The following MAGOHB variants were observed in gnomAD, a reference collection of about 807,000 sequenced individuals.
MAGOHB encodes mago homolog B, exon junction complex subunit, also known as protein mago nashi homolog 2.
A neutral mutation model predicts 20.9 loss-of-function variants in MAGOHB; 15 were observed. The observed-to-expected ratio is 0.72, with a 90% CI of 0.48 to 1.11. The LOEUF (loss-of-function observed/expected upper bound fraction) is 1.11, where lower values mean the gene tolerates loss of function less well. MAGOHB is among the 50% of genes least tolerant of loss of function. The probability of loss-of-function intolerance (pLI) is 0.00; values close to 1 mark genes in which losing one functional copy is unlikely to be tolerated. For synonymous variants in MAGOHB, 50 were observed against 57.9 expected (o/e 0.86, Z 0.62); for missense variants, 162 against 177.6 (o/e 0.91, Z 0.50).
At chr12:10,612,603 T>C in intron 1 of MAGOHB, 3 of 1,017,962 alleles carry the variant, frequency 2.9e-6, no homozygotes, top group Non-Finnish European at 3.6e-6. Context: ...CCAAGACAAA[T>C]CTGCTTTAGT....
intron 1 of MAGOHB, among the ~76,000 whole-genome samples, chr12:10,612,132 T>G (rs1865754450): frequency 6.6e-6 from 1 of 152,008 alleles, no homozygotes. Flanking sequence ...GGTGGATCCC[T>G]TGACCTCAGG....
chr12:10,600,381 A>G (rs1865542919), downstream of MAGOHB, among the ~76,000 whole-genome samples: 1 of 151,922 alleles, frequency 6.6e-6, no homozygotes, highest in African/African-American at 2.4e-5. Flanking sequence ...CTATTGTAAA[A>G]TATATTTGGT....
downstream of MAGOHB, among the ~76,000 whole-genome samples, chr12:10,601,091 G>A (rs1865549775): frequency 1.3e-5 from 2 of 152,086 alleles, no homozygotes; most frequent in African/African-American, 2.4e-5. Flanking sequence ...GAGTAAAGAC[G>A]GTCCATATCC....
At chr12:10,606,509 C>T in intron 4 of MAGOHB, 135 bp from the exon 5 acceptor site, 1 of 603,856 alleles carries the variant, frequency 1.7e-6, no homozygotes, top group East Asian at 3.1e-5. Flanking sequence ...ATTTTGCTGA[C>T]AACTAAAATG....
chr12:10,612,663 T>A (rs1865768935), intron 1 of MAGOHB: 1 of 1,141,102 alleles, frequency 8.8e-7, no homozygotes, highest in African/African-American at 1.6e-5. Flanking sequence ...ATTTGCTTGT[T>A]GTCCAGCACA....
At chr12:10,612,639 C>T in intron 1 of MAGOHB, 1 of 1,128,730 alleles carries the variant, frequency 8.9e-7, no homozygotes, top group Non-Finnish European at 1.1e-6. Context: ...CATTACTGTA[C>T]CTTAAAATTT....
chr12:10,611,949 C>T (rs970334415), intron 1 of MAGOHB, among the ~76,000 whole-genome samples: 3 of 151,656 alleles, frequency 2.0e-5, no homozygotes, highest in Non-Finnish European at 4.4e-5. Flanking sequence ...TGATGGTGTT[C>T]GCAGGCAGAG....
In MAGOHB at chr12:10,605,260, A is replaced by C. The variant is rs1024742802; in HGVS notation, c.*1015T>G. The C allele has an allele frequency of 1.3e-5, 2 of 152,216 alleles. No homozygotes were observed. The highest frequency in any genetic ancestry group is 2.9e-5 in the Non-Finnish European group (2 of 68,036). 9.4% of individuals were successfully genotyped at this position (152,216 alleles called of 1,614,324 possible). A position where few individuals can be genotyped will look rare whatever the true frequency, so the allele number is the denominator to read the frequency against. The stretch of plus-strand genomic sequence containing the variant: ...TAGAACGTTTCCATTATTGCAAAAA[A>C]GTTATTGGACTGCCCGACTCTAGAG... On this transcript the variant is annotated 3_prime_UTR_variant, in exon 5 of 5. Coordinates refer to ENST00000320756, the MANE Select transcript of MAGOHB (RefSeq NM_018048.5).
At position 10,609,881 on chromosome 12, in the gene MAGOHB, T is replaced by C; in HGVS notation, c.214A>G (p.Thr72Ala). The C allele has an allele frequency of 1.2e-6, 2 of 1,613,370 alleles. No homozygotes were observed. The highest frequency in any genetic ancestry group is 2.2e-5 in the South Asian group (2 of 90,856). Residue 72 changes from threonine (T) to alanine (A), a missense_variant, in exon 3 of 5, where the codon ACA becomes GCA. Coordinates refer to ENST00000320756, the MANE Select transcript of MAGOHB (RefSeq NM_018048.5). Reference sequence around the variant, plus strand: ...GGCCACAAAGCATCATCTTCTTTTGTAATTTCACTGTCATCAATAATTCTC... The same window carrying C: ...GGCCACAAAGCATCATCTTCTTTTGCAATTTCACTGTCATCAATAATTCTC... Reference protein sequence around the residue: ...LKRIIDDSEITKEDDALWPPP... With the variant: ...LKRIIDDSEIAKEDDALWPPP...
Position 10,612,835 on chromosome 12 carries a change from C to T in MAGOHB, c.94+604G>A, listed in dbSNP as rs192758022. ...TTCACCTCATCCTCTGCTCATACTG[C>T]TCTGGAAGTCTGTTTTTTTCTCTCA... On this transcript the variant is annotated intron_variant, in intron 1 of 4. Coordinates refer to ENST00000320756, the MANE Select transcript of MAGOHB (RefSeq NM_018048.5). 188 of 1,289,074 alleles carry T rather than the reference C, an allele frequency of 1.5e-4. No individual in the cohort carries two copies. In the African/African-American group the frequency reaches 2.7e-3, roughly 18 times the overall value. The allele number at this position is 1,289,074 out of a possible 1,614,324, so 79.9% of individuals were successfully genotyped here. A position where few individuals can be genotyped will look rare whatever the true frequency, so the allele number is the denominator to read the frequency against.
In MAGOHB at chr12:10,606,437, T is replaced by TAAAAC. The variant is rs1235250737; in HGVS notation, c.348-68_348-64dup. The TAAAAC allele has an allele frequency of 5.0e-6, 4 of 804,424 alleles. No homozygotes were observed. The African/African-American group carries it at 7.2e-5, about 14-fold the overall frequency. The allele number at this position is 804,424 out of a possible 1,614,324, so 49.8% of individuals were successfully genotyped here. A position where few individuals can be genotyped will look rare whatever the true frequency, so the allele number is the denominator to read the frequency against. On this transcript the variant is annotated intron_variant, in intron 4 of 4. Transcript: ENST00000320756. ...AGGATAAAACAATTCTTTAAATGCC[T>TAAAAC]AAAACAAAACAAATCAAAATCTCAT...
chr12:10,606,212 TA>T lies in MAGOHB; in HGVS notation c.*62del. 1.1e-6 allele frequency: 1 copy of T among 910,566 alleles called. No homozygotes were observed. The highest frequency in any genetic ancestry group is 1.7e-6 in the Non-Finnish European group (1 of 602,872). 56.4% of individuals were successfully genotyped at this position (910,566 alleles called of 1,614,324 possible). ...CACATTCATAAAAACCCCAATACTGTAAATGACAAATAACCCCTCCCATCCC... is the reference window on the plus strand; with the variant it reads ...CACATTCATAAAAACCCCAATACTGTAATGACAAATAACCCCTCCCATCCC... On this transcript the variant is annotated 3_prime_UTR_variant, in exon 5 of 5. Transcript: ENST00000320756.
chr12:10,606,547 G>GA (rs1865633056), intron 4 of MAGOHB, among the ~76,000 whole-genome samples, 173 bp from the exon 5 acceptor site: 1 of 151,556 alleles, frequency 6.6e-6, no homozygotes, highest in Admixed American at 6.6e-5. Context: ...TTTTCTATAC[G>GA]AAAAAATAGT....
downstream of MAGOHB, among the ~76,000 whole-genome samples, chr12:10,603,227 T>C (rs1334314829): frequency 7.0e-6 from 1 of 142,794 alleles, no homozygotes; most frequent in African/African-American, 2.6e-5. Flanking sequence ...GGCAGGGAAA[T>C]GGCATGAACC....
intron 3 of MAGOHB, 47 bp downstream of exon 3, chr12:10,609,784 T>C: frequency 8.6e-7 from 1 of 1,166,162 alleles, no homozygotes; most frequent in Non-Finnish European, 1.3e-6. Context: ...AAAATAGTAT[T>C]ATCAATTTTT....
chr12:10,610,274 T>C (rs757366969), intron 2 of MAGOHB, among the ~76,000 whole-genome samples: 1 of 152,130 alleles, frequency 6.6e-6, no homozygotes, highest in Non-Finnish European at 1.5e-5. Flanking sequence ...TAAATGCAAG[T>C]ATACTGAGGC....
rs774455856 is a variant in MAGOHB, at chr12:10,609,852, G to C, written c.243C>G (p.Pro81=). Reference sequence around the variant, plus strand: ...AAACCTGTCGGCCAACCCTATCAGGGGGAGGCCACAAAGCATCATCTTCTT... The same window carrying C: ...AAACCTGTCGGCCAACCCTATCAGGCGGAGGCCACAAAGCATCATCTTCTT... ...ITKEDDALWP[P]PDRVGRQELE... is the part of the protein sequence containing the mutation. Residue 81 remains proline (P), a synonymous_variant, in exon 3 of 5, where the codon CCC becomes CCG. Transcript: ENST00000320756. The C allele has an allele frequency of 5.6e-6, 9 of 1,611,250 alleles. No individual in the cohort carries two copies. The East Asian group carries it at 1.3e-4, about 24-fold the overall frequency.
chr12:10,612,942 T>C (rs1305815716), intron 1 of MAGOHB: 2 of 1,289,074 alleles, frequency 1.6e-6, no homozygotes, highest in African/African-American at 3.0e-5. Flanking sequence ...CTGTGGAACT[T>C]TACCTCTCCC....
chr12:10,603,200 G>A (rs1865569575), downstream of MAGOHB, among the ~76,000 whole-genome samples: 1 of 151,614 alleles, frequency 6.6e-6, no homozygotes, highest in Non-Finnish European at 1.5e-5. Context: ...TGTAGTCCCA[G>A]CTACTCCGGA....
Sources: gnomAD v4.1 joint callset for allele counts (sites outside exome capture counted in the v4.1 genomes callset) on GRCh38, gnomAD v4.1.1 for gene constraint, MANE v1.5 for transcripts, NCBI Gene and HGNC (gene_info 2026-07-23, HGNC 2026-07-21) for gene names.